The following SYT9 variants were observed in gnomAD, a reference collection of about 807,000 sequenced individuals.
The protein encoded by SYT9 is synaptotagmin 9.
SYT9 carries 22 observed loss-of-function variants against 48.4 expected under a neutral mutation model. That is an observed-to-expected ratio of 0.45 (90% CI 0.32 to 0.65). SYT9 has a LOEUF of 0.65. Among genes scored for constraint, SYT9 ranks in the 30% least tolerant of loss-of-function variants. The pLI is 0.03. For missense variants in SYT9, 577 were observed against 622.0 expected, an observed-to-expected ratio of 0.93 and a Z score of 0.77; for synonymous variants, 265 against 245.0, an observed-to-expected ratio of 1.08 and a Z score of -0.76.
chr11:7,418,209 A>C (rs1847288613), intron 5 of SYT9, 81 bp downstream of exon 5: 4 of 1,484,022 alleles, frequency 2.7e-6, no homozygotes, highest in Non-Finnish European at 3.7e-6. Flanking sequence ...GCAGCCACAG[A>C]TTCTTACCTG....
At chr11:7,463,241 G>A (rs915362657) in intron 6 of SYT9, among the ~76,000 whole-genome samples, 1 of 152,134 alleles carries the variant, frequency 6.6e-6, no homozygotes, top group Non-Finnish European at 1.5e-5. Flanking sequence ...ATGCTCAACA[G>A]TTATTAAACC....
At chr11:7,249,302 T>C (rs2119739251), upstream of SYT9, among the ~76,000 whole-genome samples, 1 of 152,288 alleles carries the variant, frequency 6.6e-6, no homozygotes, top group East Asian at 1.9e-4. Flanking sequence ...TCTTTTCAAG[T>C]CTAGACTCAG....
At chr11:7,422,718 G>A (rs1336498808) in intron 6 of SYT9, among the ~76,000 whole-genome samples, 2 of 152,136 alleles carry the variant, frequency 1.3e-5, no homozygotes, top group Non-Finnish European at 2.9e-5. Context: ...TGAGAGGTGA[G>A]CCCTGATTCA....
chr11:7,401,432 C>A lies in SYT9; in HGVS notation c.1045-14610C>A, dbSNP rs571465442. ...AGCATTTTGGATAAGGAATATTCAA[C>A]CTGTAATTAGTTGGGAAGTGTTCTC... On this transcript the variant is annotated intron_variant, in intron 3 of 6. Transcript: ENST00000318881. Among the ~76,000 whole-genome samples, 7 of 151,648 alleles carry A rather than the reference C, an allele frequency of 4.6e-5. No homozygotes were observed. In the East Asian group the frequency reaches 1.4e-3, roughly 29 times the overall value.
At chr11:7,403,433 T>C (rs976722569) in intron 3 of SYT9, among the ~76,000 whole-genome samples, 1 of 152,096 alleles carries the variant, frequency 6.6e-6, no homozygotes, top group Admixed American at 6.6e-5. Context: ...GTGCCTGTAG[T>C]CACAGCTACT....
At chr11:7,358,805 A>AT (rs1850070970) in intron 3 of SYT9, among the ~76,000 whole-genome samples, 1 of 151,862 alleles carries the variant, frequency 6.6e-6, no homozygotes, top group Non-Finnish European at 1.5e-5. Flanking sequence ...ATGATTTATT[A>AT]TTTTTTTCCA....
At chr11:7,366,832 T>A (rs1055139056) in intron 3 of SYT9, among the ~76,000 whole-genome samples, 14 of 152,162 alleles carry the variant, frequency 9.2e-5, no homozygotes, top group African/African-American at 2.9e-4. Context: ...TTTACTATTG[T>A]ATAGTTCCAC....
At chr11:7,378,146 A>C (rs1850491323) in intron 3 of SYT9, among the ~76,000 whole-genome samples, 1 of 151,352 alleles carries the variant, frequency 6.6e-6, no homozygotes, top group Non-Finnish European at 1.5e-5. Flanking sequence ...CCAGCAGAGA[A>C]GTGAGCAGGA....
chr11:7,454,142 T>A, intron 6 of SYT9: 1 of 985,396 alleles, frequency 1.0e-6, no homozygotes, highest in Non-Finnish European at 1.2e-6. Flanking sequence ...CCTACCTGAT[T>A]TCCAGCCCTT....
chr11:7,460,259 T>C (rs117073449), intron 6 of SYT9, among the ~76,000 whole-genome samples: 3,238 of 152,352 alleles, frequency 0.021, 42 homozygotes, highest in Middle Eastern at 0.031. Flanking sequence ...TCTCATTAGC[T>C]TATTAATTTG....
intron 3 of SYT9, among the ~76,000 whole-genome samples, chr11:7,358,631 A>G (rs1850068371): frequency 1.3e-5 from 2 of 152,162 alleles, no homozygotes; most frequent in South Asian, 4.1e-4. Flanking sequence ...TGCAAAATAT[A>G]TTTCTCATGA....
chr11:7,381,687 C>A (rs1055799272), intron 3 of SYT9, among the ~76,000 whole-genome samples: 12 of 152,216 alleles, frequency 7.9e-5, no homozygotes, highest in Non-Finnish European at 1.5e-5. Flanking sequence ...ACTCAAATCC[C>A]AGCAGTGCAA....
At chr11:7,322,788 T>A (rs1849360149) in intron 3 of SYT9, among the ~76,000 whole-genome samples, 1 of 152,152 alleles carries the variant, frequency 6.6e-6, no homozygotes, top group Admixed American at 6.6e-5. Context: ...CTTTGAAGCT[T>A]CCTATGTGCC....
intron 3 of SYT9, among the ~76,000 whole-genome samples, chr11:7,340,063 G>GT (rs371139750): frequency 6.6e-6 from 1 of 151,940 alleles, no homozygotes; most frequent in Non-Finnish European, 1.5e-5. Context: ...CCTTTTCATT[G>GT]TTTTTTTCTT....
At chr11:7,371,154 T>G (rs1850354936) in intron 3 of SYT9, among the ~76,000 whole-genome samples, 1 of 152,196 alleles carries the variant, frequency 6.6e-6, no homozygotes. Flanking sequence ...ATTCCTCATC[T>G]TATTCTTATA....
chr11:7,296,571 C>T (rs1848811520), intron 1 of SYT9, among the ~76,000 whole-genome samples: 1 of 152,148 alleles, frequency 6.6e-6, no homozygotes, highest in Admixed American at 6.5e-5. Flanking sequence ...TCTTCTTCCT[C>T]CTTCTTCTTC....
At chr11:7,273,211 A>G (rs1304159735) in intron 1 of SYT9, among the ~76,000 whole-genome samples, 1 of 152,158 alleles carries the variant, frequency 6.6e-6, no homozygotes, top group African/African-American at 2.4e-5. Context: ...AGAAATGTGT[A>G]TTTAAGGTAT....
intron 3 of SYT9, among the ~76,000 whole-genome samples, chr11:7,341,735 AATC>A (rs1401540802): frequency 6.6e-6 from 1 of 152,224 alleles, no homozygotes; most frequent in East Asian, 1.9e-4. Flanking sequence ...ACATATGTGT[AATC>A]ATACTGTGTG....
intron 3 of SYT9, among the ~76,000 whole-genome samples, chr11:7,362,724 C>G (rs567459126): frequency 2.0e-5 from 3 of 152,002 alleles, no homozygotes; most frequent in Non-Finnish European, 4.4e-5. Flanking sequence ...TATTTCATTG[C>G]TTTCAACATT....
Sources: gnomAD v4.1 joint callset for allele counts (sites outside exome capture counted in the v4.1 genomes callset) on GRCh38, gnomAD v4.1.1 for gene constraint, MANE v1.5 for transcripts, NCBI Gene and HGNC (gene_info 2026-07-23, HGNC 2026-07-21) for gene names.